The following ATP10B variants were observed in gnomAD, a reference collection of about 807,000 sequenced individuals.
The protein encoded by ATP10B is phospholipid-transporting ATPase VB.
A neutral mutation model predicts 141.2 loss-of-function variants in ATP10B; 122 were observed. That is an observed-to-expected ratio of 0.86 (90% CI 0.75 to 1.00). ATP10B has a LOEUF of 1.00. ATP10B is among the 50% of genes least tolerant of loss of function. The pLI, the probability that ATP10B is intolerant of heterozygous loss-of-function variation, is 0.00. For missense variants in ATP10B, 1,876 were observed against 1,825.3 expected (o/e 1.03, Z -0.51); for synonymous variants, 685 against 692.0 (o/e 0.99, Z 0.16).
intron 3 of ATP10B, among the ~76,000 whole-genome samples, chr5:160,708,088 C>G (rs933570985): frequency 2.0e-5 from 3 of 152,082 alleles, no homozygotes; most frequent in African/African-American, 7.2e-5. Context: ...CTGGGCATTG[C>G]TTTTTATATG....
At chr5:160,698,482 A>G (rs1764498466) in intron 3 of ATP10B, among the ~76,000 whole-genome samples, 1 of 152,210 alleles carries the variant, frequency 6.6e-6, no homozygotes, top group South Asian at 2.1e-4. Flanking sequence ...TCGATTAATT[A>G]ATACCAGAAT....
chr5:160,851,374 AT>A (rs199765368), intron 1 of ATP10B, among the ~76,000 whole-genome samples: 3 of 151,846 alleles, frequency 2.0e-5, no homozygotes, highest in Middle Eastern at 3.4e-3. Context: ...GGGCTTTTTT[AT>A]TTTTTTTCTG....
intron 3 of ATP10B, among the ~76,000 whole-genome samples, chr5:160,700,129 C>A (rs920261542): frequency 3.3e-5 from 5 of 152,082 alleles, no homozygotes; most frequent in African/African-American, 9.7e-5. Context: ...CCAGGGATGA[C>A]TGGGAAAAAC....
chr5:160,767,898 G>A (rs1769594856), intron 2 of ATP10B, among the ~76,000 whole-genome samples: 1 of 152,030 alleles, frequency 6.6e-6, no homozygotes, highest in South Asian at 2.1e-4. Flanking sequence ...TGGGTGTTTT[G>A]TGTTTGTTCT....
intron 2 of ATP10B, among the ~76,000 whole-genome samples, chr5:160,776,088 T>C (rs1295179663): frequency 2.6e-5 from 4 of 152,122 alleles, no homozygotes; most frequent in African/African-American, 4.8e-5. Flanking sequence ...TTTAACTAGG[T>C]GTCTTGGGGC....
chr5:160,571,285 C>G lies in ATP10B; in HGVS notation c.3751-1602G>C, dbSNP rs1159632358. 3.3e-5 allele frequency among the ~76,000 whole-genome samples: 5 copies of G among 152,216 alleles called. No individual in the cohort carries two copies. In the South Asian group the frequency reaches 6.2e-4, roughly 19 times the overall value. On this transcript the variant is annotated intron_variant, in intron 24 of 25. Coordinates refer to ENST00000327245, the MANE Select transcript of ATP10B (RefSeq NM_025153.3). ...TTCCTGTTTTATAGTCCAAATACTTCTTTTGACCAATTCAATAATTCTTCC... is the reference window on the plus strand; with the variant it reads ...TTCCTGTTTTATAGTCCAAATACTTGTTTTGACCAATTCAATAATTCTTCC...
chr5:160,707,627 G>T (rs1035403845), intron 3 of ATP10B, among the ~76,000 whole-genome samples: 1 of 152,164 alleles, frequency 6.6e-6, no homozygotes, highest in African/African-American at 2.4e-5. Flanking sequence ...AAGAATAATA[G>T]ACCAAAGTTG....
chr5:160,739,549 A>T (rs1437053036), intron 2 of ATP10B, among the ~76,000 whole-genome samples: 1 of 152,236 alleles, frequency 6.6e-6, no homozygotes, highest in Non-Finnish European at 1.5e-5. Context: ...ATAACTCATT[A>T]AAACTCCATA....
chr5:160,893,937 C>T, the ATP10B span, among the ~76,000 whole-genome samples: 4 of 152,154 alleles, frequency 2.6e-5, no homozygotes, highest in Admixed American at 2.0e-4. Flanking sequence ...CTCCAGCAGA[C>T]CTGCAGCAGA....
the ATP10B span, among the ~76,000 whole-genome samples, chr5:160,917,630 G>A: frequency 6.6e-6 from 1 of 152,184 alleles, no homozygotes; most frequent in African/African-American, 2.4e-5. Context: ...CACACCATTT[G>A]TGTGCCTCGA....
At chr5:160,889,699 G>A in the ATP10B span, among the ~76,000 whole-genome samples, 3 of 152,180 alleles carry the variant, frequency 2.0e-5, no homozygotes, top group Non-Finnish European at 4.4e-5. Flanking sequence ...GCAGGGCAGG[G>A]AATGGAGAGA....
chr5:160,575,438 A>G (rs1420116514), intron 24 of ATP10B, among the ~76,000 whole-genome samples: 1 of 152,124 alleles, frequency 6.6e-6, no homozygotes, highest in African/African-American at 2.4e-5. Flanking sequence ...CTTTTTGTTT[A>G]AAGAAAGAAT....
intron 2 of ATP10B, among the ~76,000 whole-genome samples, chr5:160,741,850 A>G (rs902556385): frequency 3.3e-5 from 5 of 152,190 alleles, no homozygotes; most frequent in Non-Finnish European, 7.3e-5. Context: ...TGTTCTGCAT[A>G]TATCATCATT....
the ATP10B span, among the ~76,000 whole-genome samples, chr5:160,859,940 CTACTT>C: frequency 2.0e-5 from 3 of 151,922 alleles, no homozygotes; most frequent in African/African-American, 4.8e-5. Flanking sequence ...GATGTCAACT[CTACTT>C]GTTGCAGAAA....
intron 2 of ATP10B, among the ~76,000 whole-genome samples, chr5:160,778,273 A>T (rs575680171): frequency 6.6e-5 from 10 of 152,348 alleles, no homozygotes; most frequent in African/African-American, 2.4e-4. Flanking sequence ...ACTCAATCCC[A>T]GTGAGGTGGC....
intron 3 of ATP10B, among the ~76,000 whole-genome samples, chr5:160,692,352 C>T (rs1443922839): frequency 6.6e-6 from 1 of 152,176 alleles, no homozygotes; most frequent in Non-Finnish European, 1.5e-5. Flanking sequence ...ATGTGGCAGA[C>T]ACCACCTTAC....
chr5:160,652,209 G>T (rs1350568008), intron 7 of ATP10B, among the ~76,000 whole-genome samples: 3 of 151,936 alleles, frequency 2.0e-5, no homozygotes, highest in African/African-American at 7.3e-5. Context: ...CTCTTTTCAT[G>T]AAAAGGTGAC....
intron 1 of ATP10B, among the ~76,000 whole-genome samples, chr5:160,850,378 T>G (rs1226579579): frequency 6.6e-6 from 1 of 152,018 alleles, no homozygotes; most frequent in Non-Finnish European, 1.5e-5. Context: ...GAGCTGAGAT[T>G]GCGCCACTGC....
rs1423092532 is a variant in ATP10B, at chr5:160,783,322, T to C, written c.-331+2237A>G. 6.0e-5 allele frequency among the ~76,000 whole-genome samples: 9 copies of C among 150,916 alleles called. No individual in the cohort carries two copies. The East Asian group carries it at 1.6e-3, about 26-fold the overall frequency. The stretch of plus-strand genomic sequence containing the variant: ...CTTAGACTAATAGTCTCCAGTGTCA[T>C]CCAGGTCACTGCAAATGCTGTTAAT... On this transcript the variant is annotated intron_variant, in intron 2 of 25. Coordinates refer to ENST00000327245, the MANE Select transcript of ATP10B (RefSeq NM_025153.3).
Sources: gnomAD v4.1 joint callset for allele counts (sites outside exome capture counted in the v4.1 genomes callset) on GRCh38, gnomAD v4.1.1 for gene constraint, MANE v1.5 for transcripts, NCBI Gene and HGNC (gene_info 2026-07-23, HGNC 2026-07-21) for gene names.